IFNAR2: variants seen among roughly 807,000 people sequenced by gnomAD.
IFNAR2 encodes interferon alpha/beta receptor 2.
A neutral mutation model predicts 49.4 loss-of-function variants in IFNAR2; 30 were observed. The observed-to-expected ratio is 0.61, with a 90% confidence interval of 0.45 to 0.82. IFNAR2 has a LOEUF of 0.82. IFNAR2 is among the 40% of genes least tolerant of loss of function. The probability of loss-of-function intolerance (pLI) is 0.00; values close to 1 mark genes in which losing one functional copy is unlikely to be tolerated. For synonymous variants in IFNAR2, 224 were observed against 234.5 expected (o/e 0.96, Z 0.41); for missense variants, 600 against 622.7 (o/e 0.96, Z 0.39).
intron 1 of IFNAR2, chr21:33,234,805 A>G: frequency 1.1e-6 from 1 of 949,384 alleles, no homozygotes; most frequent in Non-Finnish European, 1.3e-6. Context: ...TTCGCACAGG[A>G]TGGAATTAAA....
chr21:33,256,349 A>G (rs1988208390), intron 7 of IFNAR2, among the ~76,000 whole-genome samples: 1 of 152,212 alleles, frequency 6.6e-6, no homozygotes, highest in Non-Finnish European at 1.5e-5. Flanking sequence ...AATTATCCAA[A>G]TACTGTACCT....
chr21:33,260,600 C>G lies in IFNAR2; in HGVS notation c.713C>G (p.Ser238Ter). The change falls in exon 8 of 9, where the codon TCA becomes TGA. Residue 238 changes from serine to a stop codon, truncating the protein, a stop_gained. Transcript: ENST00000342136. LOFTEE classifies it high-confidence loss of function. ...TCATTTAATTTTTCATCAACAGAAT[C>G]AGCAGAATCTGCCAAAATAGGAGGA... ...TLLPPGQESE[S>*]AESAKIGGII... 1.3e-6 allele frequency: 2 copies of G among 1,579,720 alleles called. No individual in the cohort carries two copies. Among genetic ancestry groups the G allele is most frequent in the Non-Finnish European group, 1.7e-6 (2 of 1,170,198 alleles).
chr21:33,262,364 CA>C (rs58341848), intron 8 of IFNAR2, among the ~76,000 whole-genome samples: 33,264 of 95,814 alleles, frequency 0.35, 3,274 homozygotes, highest in East Asian at 0.49. Context: ...ACTCCCGTCT[CA>C]AAAAAAAAAA....
At chr21:33,259,836 C>G (rs1988446359) in intron 7 of IFNAR2, among the ~76,000 whole-genome samples, 1 of 152,154 alleles carries the variant, frequency 6.6e-6, no homozygotes, top group African/African-American at 2.4e-5. Flanking sequence ...TACTGAACTT[C>G]TTTCTATTCA....
Position 33,263,016 on chromosome 21 carries a change from C to G in IFNAR2, c.1064C>G (p.Thr355Arg), listed in dbSNP as rs1357053108. 2 of 1,614,194 alleles carry G rather than the reference C, an allele frequency of 1.2e-6. No individual in the cohort carries two copies. Among genetic ancestry groups the G allele is most frequent in the Non-Finnish European group, 8.5e-7 (1 of 1,180,030 alleles). The change falls in exon 9 of 9, where the codon ACA (threonine) becomes AGA (arginine). Residue 355 changes from threonine to arginine, a missense_variant. Physicochemically the swap from Thr to Arg is moderately conservative, Grantham distance 71 (BLOSUM62 -1). Transcript: ENST00000342136. ...RPLGQASATS[T>R]ESQLIDPESE... ...CTGGGTCAGGCCTCTGCCACCTCTA[C>G]AGAATCCCAGTTGATAGACCCGGAG...
intron 1 of IFNAR2, chr21:33,236,827 TTC>T (rs955315550): frequency 1.0e-6 from 1 of 984,274 alleles, no homozygotes; most frequent in African/African-American, 1.7e-5. Flanking sequence ...TGTAGGATCC[TTC>T]TAGCTGCAGG....
intron 7 of IFNAR2, among the ~76,000 whole-genome samples, chr21:33,259,688 G>A (rs751395168): frequency 2.0e-5 from 3 of 152,158 alleles, no homozygotes; most frequent in South Asian, 2.1e-4. Flanking sequence ...TCCTAAAGGC[G>A]TGCCTCTGTG....
At chr21:33,245,267 G>A (rs921426674) in intron 4 of IFNAR2, among the ~76,000 whole-genome samples, 193 bp downstream of exon 4, 1 of 152,120 alleles carries the variant, frequency 6.6e-6, no homozygotes, top group Non-Finnish European at 1.5e-5. Flanking sequence ...TAATTCAGTT[G>A]AATACTTTAA....
At position 33,230,603 on chromosome 21, in the gene IFNAR2, C is replaced by T; in HGVS notation, c.-84+387C>T. On this transcript the variant is annotated intron_variant, in intron 1 of 8. Coordinates refer to ENST00000342136, the MANE Select transcript of IFNAR2 (RefSeq NM_001289125.3). The surrounding 1 kb of genome is among the most constrained non-coding windows in gnomAD (Gnocchi z 5.5). ...AGGGTCACATTCCTCCAGGTCCACC[C>T]CGCCTTGCAAAACCGGCTCACCAGC... The T allele has an allele frequency of 2.1e-6, 1 of 470,408 alleles. No homozygotes were observed. Among genetic ancestry groups the T allele is most frequent in the South Asian group, 1.6e-5 (1 of 64,438 alleles). The allele number at this position is 470,408 out of a possible 1,614,324, so 29.1% of individuals were successfully genotyped here. A position where few individuals can be genotyped will look rare whatever the true frequency, so the allele number is the denominator to read the frequency against.
chr21:33,248,490 T>C (rs537569780), intron 5 of IFNAR2, among the ~76,000 whole-genome samples: 121 of 152,150 alleles, frequency 8.0e-4, no homozygotes, highest in African/African-American at 2.9e-3. Flanking sequence ...ATACATTAAG[T>C]CTTTAATAAA....
chr21:33,239,254 C>T (rs964093086), intron 1 of IFNAR2, among the ~76,000 whole-genome samples: 13 of 152,140 alleles, frequency 8.5e-5, no homozygotes, highest in East Asian at 1.9e-4. Context: ...TGTGTTCAGC[C>T]GATGGGGAGC....
Position 33,263,017 on chromosome 21 carries a change from A to G in IFNAR2, c.1065A>G (p.Thr355=), listed in dbSNP as rs1568897648. The G allele has an allele frequency of 2.5e-6, 4 of 1,614,186 alleles. No individual in the cohort carries two copies. Among genetic ancestry groups the G allele is most frequent in the Non-Finnish European group, 3.4e-6 (4 of 1,180,026 alleles). Residue 355 remains threonine (T), a synonymous_variant, in exon 9 of 9, where the codon ACA becomes ACG. Coordinates refer to ENST00000342136, the MANE Select transcript of IFNAR2 (RefSeq NM_001289125.3). ...TGGGTCAGGCCTCTGCCACCTCTAC[A>G]GAATCCCAGTTGATAGACCCGGAGT... ...RPLGQASATS[T]ESQLIDPESE... is the part of the protein sequence containing the mutation.
At chr21:33,239,502 A>G (rs1237983864) in intron 1 of IFNAR2, among the ~76,000 whole-genome samples, 1 of 151,514 alleles carries the variant, frequency 6.6e-6, no homozygotes, top group East Asian at 1.9e-4. Context: ...CAGAATGGTA[A>G]CAGCCCTCAA....
chr21:33,243,737 A>G (rs990305996), intron 3 of IFNAR2, 23 bp downstream of exon 3: 1 of 1,589,018 alleles, frequency 6.3e-7, no homozygotes, highest in Non-Finnish European at 8.6e-7. Context: ...TTTTGGCTTC[A>G]CTAAATTTTG....
chr21:33,255,389 T>C (rs1433582911), intron 7 of IFNAR2, among the ~76,000 whole-genome samples: 1 of 152,216 alleles, frequency 6.6e-6, no homozygotes, highest in African/African-American at 2.4e-5. Context: ...TCCCTGCACT[T>C]CCACCTGACT....
intron 6 of IFNAR2, 77 bp downstream of exon 6, chr21:33,248,931 A>T (rs1987644586): frequency 9.3e-7 from 1 of 1,073,924 alleles, no homozygotes; most frequent in Admixed American, 2.6e-5. Context: ...TTTTGAAAGG[A>T]AATTTGCAGT....
chr21:33,256,075 G>C (rs1230238414), intron 7 of IFNAR2, among the ~76,000 whole-genome samples: 2 of 152,206 alleles, frequency 1.3e-5, no homozygotes, highest in Non-Finnish European at 2.9e-5. Flanking sequence ...CTGGCAGACA[G>C]ATGGTGGTTT....
intron 7 of IFNAR2, among the ~76,000 whole-genome samples, chr21:33,255,526 G>A (rs1033140682): frequency 3.9e-5 from 6 of 152,228 alleles, no homozygotes; most frequent in African/African-American, 9.7e-5. Context: ...TTGATGGACA[G>A]CCATTGAAGA....
In IFNAR2 at chr21:33,230,443, T is replaced by A. The variant is rs1342412818; in HGVS notation, c.-84+227T>A. On this transcript the variant is annotated intron_variant, in intron 1 of 8. Transcript: ENST00000342136. The surrounding 1 kb of genome is among the most constrained non-coding windows in gnomAD (Gnocchi z 5.5). ...ACCCCAGGACCCCTCCCGGGCCCTGTCCTGCGCCCTCCACGCGTCGCCCCT... is the reference window on the plus strand; with the variant it reads ...ACCCCAGGACCCCTCCCGGGCCCTGACCTGCGCCCTCCACGCGTCGCCCCT... The A allele has an allele frequency of 2.1e-6, 1 of 470,968 alleles. No individual in the cohort carries two copies. Among genetic ancestry groups the A allele is most frequent in the Non-Finnish European group, 4.3e-6 (1 of 230,722 alleles). 29.2% of individuals were successfully genotyped at this position (470,968 alleles called of 1,614,324 possible).
Sources: allele counts gnomAD v4.1 joint callset (sites outside exome capture counted in the v4.1 genomes callset), GRCh38; gene constraint gnomAD v4.1.1; non-coding constraint Gnocchi (gnomAD v3.1); transcripts MANE v1.5; gene names NCBI Gene and HGNC (gene_info 2026-07-23, HGNC 2026-07-21).